The following PRKCE variants were observed in gnomAD, a reference collection of about 807,000 sequenced individuals.
The protein encoded by PRKCE is protein kinase C epsilon.
Under a neutral mutation model 85.4 loss-of-function variants are expected in PRKCE, and 16 were observed. The ratio of observed to expected loss-of-function variants is 0.19; its 90% CI spans 0.13 to 0.28. The LOEUF is 0.28. Ranked by LOEUF, PRKCE falls within the 10% of genes least tolerant of loss-of-function variation. PRKCE has a pLI of 1.00. For missense variants in PRKCE, 573 were observed against 975.2 expected (o/e 0.59, Z 5.49); for synonymous variants, 388 against 371.5 (o/e 1.04, Z -0.51).
intron 10 of PRKCE, among the ~76,000 whole-genome samples, chr2:46,052,849 T>A (rs927317201): frequency 1.2e-4 from 18 of 151,204 alleles, no homozygotes; most frequent in African/African-American, 4.1e-4. Context: ...AATGAACACT[T>A]AACCTTTATC....
chr2:46,006,015 C>G (rs1000707835), intron 8 of PRKCE, among the ~76,000 whole-genome samples: 1 of 152,122 alleles, frequency 6.6e-6, no homozygotes, highest in South Asian at 2.1e-4. Context: ...TGGCTCCTGC[C>G]CTGCATGCTC....
intron 2 of PRKCE, among the ~76,000 whole-genome samples, chr2:45,889,592 C>T (rs145842056): frequency 1.8e-3 from 277 of 152,078 alleles, no homozygotes; most frequent in Non-Finnish European, 2.8e-3. Flanking sequence ...TGGGGGAAGC[C>T]CTCAAATCTG....
intron 2 of PRKCE, chr2:45,845,602 GT>G (rs952807406): frequency 2.4e-4 from 37 of 152,308 alleles, no homozygotes; most frequent in African/African-American, 8.9e-4. Flanking sequence ...AGAGAGAGGT[GT>G]GGGGGTGAGA....
At chr2:46,086,183 A>G (rs1362804641) in intron 10 of PRKCE, 25 bp from the exon 11 acceptor site, 1 of 1,598,042 alleles carries the variant, frequency 6.3e-7, no homozygotes, top group Middle Eastern at 1.7e-4. Flanking sequence ...AATGACCCAA[A>G]TGGCATTTTC....
intron 1 of PRKCE, among the ~76,000 whole-genome samples, chr2:45,797,571 C>G (rs1018597178): frequency 1.3e-5 from 2 of 152,240 alleles, no homozygotes; most frequent in Admixed American, 1.3e-4. Context: ...AATTAATTCG[C>G]TCTGCAAGCC....
In PRKCE at chr2:45,907,662, C is replaced by T. The variant is rs72874315; in HGVS notation, c.412+64599C>T. On this transcript the variant is annotated intron_variant, in intron 2 of 14. Transcript: ENST00000306156. This position sits in a 1 kb window ranked among gnomAD's most constrained non-coding sequence, Gnocchi z 4.5. Reference sequence around the variant, plus strand: ...GACTGTTCTGTCCAGGGAGAAGGAGCATGAGCCCACATCTGCCGTGGCCAC... The same window carrying T: ...GACTGTTCTGTCCAGGGAGAAGGAGTATGAGCCCACATCTGCCGTGGCCAC... Among the ~76,000 whole-genome samples, 3,186 of 152,246 alleles carry T rather than the reference C, an allele frequency of 0.021. 78 individuals carry two copies. The highest frequency in any genetic ancestry group is 0.059 in the African/African-American group (2,459 of 41,530).
chr2:45,939,690 G>C (rs1300303877), intron 2 of PRKCE, among the ~76,000 whole-genome samples: 1 of 152,132 alleles, frequency 6.6e-6, no homozygotes, highest in Non-Finnish European at 1.5e-5. Context: ...AAGTAGCTGG[G>C]ACTACAGGTG....
intron 2 of PRKCE, among the ~76,000 whole-genome samples, chr2:45,868,973 AG>A (rs1266733574): frequency 2.7e-5 from 4 of 150,442 alleles, no homozygotes; most frequent in African/African-American, 9.7e-5. Context: ...AAAAAAAAAA[AG>A]AAAAAAGAAA....
At chr2:46,056,773 G>A (rs919616684) in intron 10 of PRKCE, among the ~76,000 whole-genome samples, 1 of 152,182 alleles carries the variant, frequency 6.6e-6, no homozygotes, top group Non-Finnish European at 1.5e-5. Context: ...TATTCTTAAA[G>A]AGAGCCTTCA....
In PRKCE at chr2:45,841,329, G is replaced by A. The variant is rs568648916; in HGVS notation, c.349-1671G>A. On this transcript the variant is annotated intron_variant, in intron 1 of 14. Transcript: ENST00000306156. ...CGAAAACCTGAAAAGTAGGAAAGCC[G>A]ACAGGGCAGCCTTCAGTATGTGGCT... 3.0e-4 allele frequency among the ~76,000 whole-genome samples: 46 copies of A among 152,316 alleles called. 1 individual carries two copies. Among genetic ancestry groups the A allele is most frequent in the African/African-American group, 1.0e-3 (43 of 41,570 alleles).
chr2:45,755,091 A>G (rs1158112195), intron 1 of PRKCE, among the ~76,000 whole-genome samples: 2 of 152,090 alleles, frequency 1.3e-5, no homozygotes, highest in African/African-American at 4.8e-5. Context: ...TGAATTCCTC[A>G]TTTTGGCACA....
At chr2:46,070,025 T>G (rs1268273920) in intron 10 of PRKCE, among the ~76,000 whole-genome samples, 2 of 152,230 alleles carry the variant, frequency 1.3e-5, no homozygotes, top group African/African-American at 4.8e-5. Context: ...CTGGTGCTAG[T>G]GTTTCTTTTC....
chr2:45,861,819 A>C (rs1278092121), intron 2 of PRKCE, among the ~76,000 whole-genome samples: 1 of 152,158 alleles, frequency 6.6e-6, no homozygotes, highest in African/African-American at 2.4e-5. Context: ...GGCACTGGTA[A>C]CTCCTATAAT....
In PRKCE at chr2:45,660,898, G is replaced by A. The variant is rs535590096; in HGVS notation, c.348+8450G>A. On this transcript the variant is annotated intron_variant, in intron 1 of 14. Transcript: ENST00000306156. ...GGAGGACAGGAACATACAATTCATC[G>A]TAACTCACTGACATCTAAACAAAAT... 3.3e-5 allele frequency among the ~76,000 whole-genome samples: 5 copies of A among 152,244 alleles called. No individual in the cohort carries two copies. The East Asian group carries it at 5.8e-4, about 18-fold the overall frequency.
chr2:46,173,838 AG>A (rs1352754241), intron 14 of PRKCE, among the ~76,000 whole-genome samples: 2 of 152,246 alleles, frequency 1.3e-5, no homozygotes, highest in Non-Finnish European at 2.9e-5. Context: ...TGCTGAGTGT[AG>A]GGGAGGAGGT....
chr2:45,906,425 T>C (rs1389608375), intron 2 of PRKCE, among the ~76,000 whole-genome samples: 2 of 152,224 alleles, frequency 1.3e-5, no homozygotes, highest in Non-Finnish European at 2.9e-5. Flanking sequence ...CTTAAAGTTG[T>C]ACATTTACTA....
chr2:45,665,100 G>A (rs1675851148), intron 1 of PRKCE, among the ~76,000 whole-genome samples: 1 of 152,208 alleles, frequency 6.6e-6, no homozygotes, highest in Non-Finnish European at 1.5e-5. Flanking sequence ...CTCTCAGTGA[G>A]GAAATATGCA....
At chr2:45,914,930 C>T (rs1697653422) in intron 2 of PRKCE, among the ~76,000 whole-genome samples, 1 of 152,194 alleles carries the variant, frequency 6.6e-6, no homozygotes, top group Non-Finnish European at 1.5e-5. Context: ...CTAGAACTTT[C>T]CATATTGTTT....
intron 1 of PRKCE, among the ~76,000 whole-genome samples, chr2:45,798,565 G>T (rs2105159161): frequency 6.6e-6 from 1 of 152,242 alleles, no homozygotes; most frequent in Non-Finnish European, 1.5e-5. Context: ...TATACCTTCA[G>T]AATGACAAAA....
Sources: gnomAD v4.1 joint callset for allele counts (sites outside exome capture counted in the v4.1 genomes callset) on GRCh38, gnomAD v4.1.1 for gene constraint, Gnocchi (gnomAD v3.1) non-coding constraint, MANE v1.5 for transcripts, NCBI Gene and HGNC (gene_info 2026-07-23, HGNC 2026-07-21) for gene names.